NCAPD3: variants seen among roughly 807,000 people sequenced by gnomAD.
The protein encoded by NCAPD3 is non-SMC condensin II complex subunit D3, also known as condensin-2 complex subunit D3.
A neutral mutation model predicts 182.9 loss-of-function variants in NCAPD3; 105 were observed. That is an observed-to-expected ratio of 0.57 (90% confidence interval 0.49 to 0.68). The LOEUF (loss-of-function observed/expected upper bound fraction) is 0.68. NCAPD3 is among the 30% of genes least tolerant of loss of function. NCAPD3 has a pLI of 0.00. For missense variants in NCAPD3, 1,944 were observed against 1,837.0 expected (o/e 1.06, Z -1.07); for synonymous variants, 815 against 679.9 (o/e 1.20, Z -3.09).
chr11:134,211,308 T>C (rs1937824027), intron 3 of NCAPD3, among the ~76,000 whole-genome samples: 1 of 152,200 alleles, frequency 6.6e-6, no homozygotes, highest in Non-Finnish European at 1.5e-5. Context: ...TTCAATAGTA[T>C]TTAAAGGAAA....
intron 13 of NCAPD3, 43 bp from the exon 14 acceptor site, chr11:134,194,781 T>C: frequency 7.3e-7 from 1 of 1,376,192 alleles, no homozygotes; most frequent in Non-Finnish European, 1.0e-6. Context: ...TGGAGAAAAG[T>C]CACACAGCAG....
chr11:134,161,561 C>T (rs912520627), intron 28 of NCAPD3, among the ~76,000 whole-genome samples: 1 of 152,204 alleles, frequency 6.6e-6, no homozygotes, highest in South Asian at 2.1e-4. Context: ...CACAGTGGGC[C>T]GGCTCTTCAC....
At chr11:134,202,791 C>T (rs201860771) in intron 13 of NCAPD3, 25 bp downstream of exon 13, 1 of 1,520,808 alleles carries the variant, frequency 6.6e-7, no homozygotes, top group Non-Finnish European at 9.0e-7. Flanking sequence ...TATTACCTAT[C>T]TGACAGTGAT....
Position 134,168,627 on chromosome 11 carries a change from C to T in NCAPD3, c.3240-25G>A, listed in dbSNP as rs370193430. 2.7e-5 allele frequency: 44 copies of T among 1,613,640 alleles called. No individual in the cohort carries two copies. In the African/African-American group the frequency reaches 5.6e-4, roughly 21 times the overall value. On this transcript the variant is annotated intron_variant, in intron 25 of 34. Transcript: ENST00000534548. ...TCTGTGGCAGAACGGGACAAGTTCA[C>T]TGCATCACATGGGCACGGGTGTAAG...
intron 24 of NCAPD3, 97 bp from the exon 25 acceptor site, chr11:134,169,151 C>T (rs1943945700): frequency 7.9e-7 from 1 of 1,258,020 alleles, no homozygotes; most frequent in East Asian, 2.5e-5. Flanking sequence ...GAGAGCTGTA[C>T]ATAAGCGTAG....
rs200676897 is a variant in NCAPD3, at chr11:134,185,347, T to C, written c.2225A>G (p.Glu742Gly). Residue 742 changes from glutamate to glycine, a missense_variant, in exon 17 of 35, where the codon GAG becomes GGG. By Grantham distance (98) the Glu-to-Gly change is moderately conservative. Coordinates refer to ENST00000534548, the MANE Select transcript of NCAPD3 (RefSeq NM_015261.3). ...AGAAGATACAAACCTGCTGATTTTC[T>C]CCCAAGATTGTATTATTCTGCTGTA... The part of the protein sequence containing the change: ...LDYSRIIQSW[E>G]KISSQQNPNS... 11 of 1,604,794 alleles carry C rather than the reference T, an allele frequency of 6.9e-6. No individual in the cohort carries two copies. Among genetic ancestry groups the C allele is most frequent in the Non-Finnish European group, 9.3e-6 (11 of 1,176,808 alleles).
intron 16 of NCAPD3, among the ~76,000 whole-genome samples, chr11:134,186,671 T>C (rs970593026): frequency 6.6e-6 from 1 of 152,212 alleles, no homozygotes; most frequent in African/African-American, 2.4e-5. Flanking sequence ...GGAAAACACA[T>C]ACACATACAT....
At position 134,178,665 on chromosome 11, in the gene NCAPD3, A is replaced by G. The variant is rs536750878; in HGVS notation, c.2751T>C (p.Ser917=). 16 of 1,583,736 alleles carry G rather than the reference A, an allele frequency of 1.0e-5. No individual in the cohort carries two copies. The highest frequency in any genetic ancestry group is 1.8e-4 in the Middle Eastern group (1 of 5,698). The change falls in exon 22 of 35, where the codon TCT becomes TCC. Residue 917 remains serine, a synonymous_variant. Coordinates refer to ENST00000534548, the MANE Select transcript of NCAPD3 (RefSeq NM_015261.3). ...PPQVRGSVMP[S]VIRAHAIITL... is the part of the protein sequence containing the mutation. ...TAATGATGGCATGTGCTCTAATCAC[A>G]GAGGGCATGACAGAACCTCTGACCT...
At chr11:134,223,831 G>A (rs1304187275) in intron 1 of NCAPD3, 32 bp downstream of exon 1, 12 of 1,602,960 alleles carry the variant, frequency 7.5e-6, no homozygotes, top group Non-Finnish European at 1.0e-5. Flanking sequence ...CCCTCGCCCT[G>A]GCCCCCGGGC....
At chr11:134,187,985 TGAA>T (rs1487588819) in intron 16 of NCAPD3, among the ~76,000 whole-genome samples, 1 of 152,204 alleles carries the variant, frequency 6.6e-6, no homozygotes, top group African/African-American at 2.4e-5. Context: ...ACAGAGGTGA[TGAA>T]GTTAAAACGT....
intron 7 of NCAPD3, among the ~76,000 whole-genome samples, chr11:134,207,724 C>G (rs1937663298): frequency 8.7e-6 from 1 of 115,164 alleles, no homozygotes; most frequent in South Asian, 2.7e-4. Flanking sequence ...AGCCTGGTGT[C>G]AGAGCGAGAC....
rs1435275486 is a variant in NCAPD3 at position 134,211,873 on chromosome 11, T to A, written c.383-1419A>T. Among the ~76,000 whole-genome samples the A allele has an allele frequency of 2.0e-5, 3 of 151,966 alleles. No individual in the cohort carries two copies. In the South Asian group the frequency reaches 6.2e-4, roughly 31 times the overall value. On this transcript the variant is annotated intron_variant, in intron 3 of 34. Transcript: ENST00000534548. The stretch of plus-strand genomic sequence containing the variant: ...AGACTCAGTGACCCATGGGAGAACA[T>A]CGTGCAGTCTAACACAGGAGTGACT...
chr11:134,189,289 C>T (rs943690533), intron 16 of NCAPD3, among the ~76,000 whole-genome samples: 1 of 151,894 alleles, frequency 6.6e-6, no homozygotes, highest in South Asian at 2.1e-4. Flanking sequence ...TTTTTCTTTC[C>T]CAGTTTTTAA....
intron 2 of NCAPD3, 87 bp downstream of exon 2, chr11:134,220,485 A>T: frequency 1.5e-6 from 2 of 1,344,258 alleles, no homozygotes; most frequent in Non-Finnish European, 2.1e-6. Context: ...ACTGTACACC[A>T]AGAAAGCTAA....
At chr11:134,201,056 C>T (rs910608279) in intron 13 of NCAPD3, among the ~76,000 whole-genome samples, 3 of 147,194 alleles carry the variant, frequency 2.0e-5, no homozygotes, top group Admixed American at 6.8e-5. Context: ...GACAGAGTCT[C>T]GCTCTGTCAA....
At chr11:134,160,215 A>G (rs917096104) in intron 28 of NCAPD3, 141 bp from the exon 29 acceptor site, 6 of 787,896 alleles carry the variant, frequency 7.6e-6, no homozygotes, top group Non-Finnish European at 1.2e-5. Flanking sequence ...AAAGTTAAGA[A>G]AGAAAAAAGC....
rs555504485 is a variant in NCAPD3 at position 134,190,120 on chromosome 11, T to C, written c.2045+2569A>G. The stretch of plus-strand genomic sequence containing the variant: ...TTCTCATTTTTTAACCTCACTTCTG[T>C]TCTGCGTTTTCTTGCACTGAACTTT... On this transcript the variant is annotated intron_variant, in intron 16 of 34. Coordinates refer to ENST00000534548, the MANE Select transcript of NCAPD3 (RefSeq NM_015261.3). 9.6e-4 allele frequency among the ~76,000 whole-genome samples: 147 copies of C among 152,340 alleles called. 3 individuals carry two copies. In the South Asian group the frequency reaches 0.03, roughly 32 times the overall value.
chr11:134,202,681 G>T, intron 13 of NCAPD3, 135 bp downstream of exon 13: 1 of 608,126 alleles, frequency 1.6e-6, no homozygotes. Context: ...GAGTCACCAC[G>T]CCCAGCCAGC....
chr11:134,192,608 G>C (rs1418915507), intron 16 of NCAPD3, 81 bp downstream of exon 16: 74 of 1,251,104 alleles, frequency 5.9e-5, no homozygotes, highest in Non-Finnish European at 8.2e-5. Flanking sequence ...CTGATTTTTC[G>C]AGGACCAATA....
Sources: allele counts gnomAD v4.1 joint callset (sites outside exome capture counted in the v4.1 genomes callset), GRCh38; gene constraint gnomAD v4.1.1; transcripts MANE v1.5; gene names NCBI Gene and HGNC (gene_info 2026-07-23, HGNC 2026-07-21).